MESD: variants seen among roughly 807,000 people sequenced by gnomAD.
MESD encodes mesoderm development LRP chaperone.
MESD carries 7 observed loss-of-function variants against 12.9 expected under a neutral mutation model. The observed-to-expected ratio is 0.54, with a 90% confidence interval of 0.31 to 1.02. The LOEUF is 1.02. Among genes scored for constraint, MESD ranks in the 50% least tolerant of loss-of-function variants. The pLI is 0.05. For missense variants in MESD, 342 were observed against 296.7 expected (o/e 1.15, Z -1.12); for synonymous variants, 126 against 115.6 (o/e 1.09, Z -0.58).
intron 3 of MESD, among the ~76,000 whole-genome samples, chr15:80,957,599 AACACAC>A (rs36008211): frequency 1.6e-4 from 24 of 148,796 alleles, no homozygotes; most frequent in African/African-American, 5.9e-4. Flanking sequence ...TCCACTGCAA[AACACAC>A]ACACACACAC....
intron 3 of MESD, among the ~76,000 whole-genome samples, chr15:80,952,483 A>G (rs1901865767): frequency 6.6e-6 from 1 of 152,184 alleles, no homozygotes; most frequent in African/African-American, 2.4e-5. Flanking sequence ...CTCAATGGCT[A>G]TGTGTGTCTA....
intron 2 of MESD, among the ~76,000 whole-genome samples, chr15:80,980,711 G>A (rs1902550947): frequency 6.6e-6 from 1 of 151,984 alleles, no homozygotes; most frequent in Non-Finnish European, 1.5e-5. Context: ...TGAGGTGCAA[G>A]GATCACTTGA....
At chr15:80,951,534 A>AGAG (rs1236533838) in intron 4 of MESD, 1 of 152,674 alleles carries the variant, frequency 6.5e-6, no homozygotes, top group Admixed American at 6.5e-5. Flanking sequence ...TTAGATGTAT[A>AGAG]GAGTGTTTGT....
chr15:80,982,281 G>A, intron 1 of MESD, 99 bp from the exon 2 acceptor site: 1 of 873,612 alleles, frequency 1.1e-6, no homozygotes, highest in South Asian at 1.6e-5. Context: ...GCATGTATAT[G>A]ACTTAAATTA....
chr15:80,968,523 G>A (rs1467890986), intron 3 of MESD, among the ~76,000 whole-genome samples: 1 of 152,182 alleles, frequency 6.6e-6, no homozygotes, highest in Non-Finnish European at 1.5e-5. Context: ...TGTACTGAAA[G>A]CTCTGTTGGC....
At chr15:80,963,133 A>T (rs1902116834) in intron 3 of MESD, among the ~76,000 whole-genome samples, 1 of 152,214 alleles carries the variant, frequency 6.6e-6, no homozygotes, top group African/African-American at 2.4e-5. Context: ...GTAATAAAAA[A>T]CGATAAAGTG....
chr15:80,979,087 T>C lies in MESD; in HGVS notation c.*132A>G. On this transcript the variant is annotated 3_prime_UTR_variant, in exon 3 of 3. Transcript: ENST00000261758. ...ATTCTTTGACCACAAACTGGTCATGTGGCAGACCCTTTCTAGAAGACACTA... is the reference window on the plus strand; with the variant it reads ...ATTCTTTGACCACAAACTGGTCATGCGGCAGACCCTTTCTAGAAGACACTA... 7.9e-7 allele frequency: 1 copy of C among 1,269,410 alleles called. No individual in the cohort carries two copies. The highest frequency in any genetic ancestry group is 1.5e-5 in the South Asian group (1 of 67,934). The allele number at this position is 1,269,410 out of a possible 1,614,324, so 78.6% of individuals were successfully genotyped here. A position where few individuals can be genotyped will look rare whatever the true frequency, so the allele number is the denominator to read the frequency against.
In MESD at chr15:80,978,348, C is replaced by CAGT. The variant is rs1271781066; in HGVS notation, c.*868_*870dup. ...CATGAACGGCAAAATCAGACATCAA[C>CAGT]AGTAGCACATCATGTTACTCTATAC... On this transcript the variant is annotated 3_prime_UTR_variant, in exon 3 of 3. Coordinates refer to ENST00000261758, the MANE Select transcript of MESD (RefSeq NM_015154.3). 1.3e-5 allele frequency: 2 copies of CAGT among 152,168 alleles called. No homozygotes were observed. The highest frequency in any genetic ancestry group is 4.8e-5 in the African/African-American group (2 of 41,436). 9.4% of individuals were successfully genotyped at this position (152,168 alleles called of 1,614,324 possible). A position where few individuals can be genotyped will look rare whatever the true frequency, so the allele number is the denominator to read the frequency against.
chr15:80,964,751 T>C (rs976089210), intron 3 of MESD, among the ~76,000 whole-genome samples: 25 of 152,170 alleles, frequency 1.6e-4, no homozygotes, highest in African/African-American at 5.3e-4. Context: ...TGGCTAGCCA[T>C]ATGTAGAAAG....
At chr15:80,984,715 C>T (rs1384342751) in intron 1 of MESD, among the ~76,000 whole-genome samples, 1 of 152,122 alleles carries the variant, frequency 6.6e-6, no homozygotes, top group Non-Finnish European at 1.5e-5. Context: ...CTAAAATGTA[C>T]ACTTTACATG....
intron 4 of MESD, chr15:80,949,007 C>T (rs1901696018): frequency 3.2e-6 from 5 of 1,578,348 alleles, no homozygotes; most frequent in Admixed American, 1.7e-5. Flanking sequence ...GGCTGGGTCC[C>T]CCAGCCCCTG....
At chr15:80,981,751 A>T (rs555183846) in intron 2 of MESD, among the ~76,000 whole-genome samples, 199 bp downstream of exon 2, 2 of 152,138 alleles carry the variant, frequency 1.3e-5, no homozygotes, top group Non-Finnish European at 2.9e-5. Context: ...GCTACTCGGG[A>T]GGCTGAGGCA....
exon 5 of MESD, chr15:80,948,750 G>A (rs775631643): frequency 1.2e-5 from 20 of 1,613,052 alleles, no homozygotes; most frequent in Admixed American, 3.3e-5. Context: ...TGGGGCAGCC[G>A]TCCTCTCATA....
chr15:80,981,810 A>T, intron 2 of MESD, 140 bp downstream of exon 2: 1 of 646,590 alleles, frequency 1.5e-6, no homozygotes, highest in Non-Finnish European at 2.6e-6. Flanking sequence ...AGCCGAGATC[A>T]CGCCGCTGCA....
At chr15:80,971,637 T>C (rs1902290353), downstream of MESD, among the ~76,000 whole-genome samples, 1 of 152,174 alleles carries the variant, frequency 6.6e-6, no homozygotes, top group African/African-American at 2.4e-5. Context: ...AAAACAATTT[T>C]TTTTTTCCAG....
chr15:80,978,725 T>C lies in MESD; in HGVS notation c.*494A>G, dbSNP rs1221000626. The C allele has an allele frequency of 6.5e-6, 1 of 153,252 alleles. No individual in the cohort carries two copies. Among genetic ancestry groups the C allele is most frequent in the Non-Finnish European group, 1.5e-5 (1 of 68,816 alleles). The allele number at this position is 153,252 out of a possible 1,614,324, so 9.5% of individuals were successfully genotyped here. On this transcript the variant is annotated 3_prime_UTR_variant, in exon 3 of 3. Coordinates refer to ENST00000261758, the MANE Select transcript of MESD (RefSeq NM_015154.3). ...AGATTTTGGATTTACACACCCTGGC[T>C]TCCTGGCTACAGACATCTGAGTTCA...
rs1014754629 is a variant in MESD at position 80,979,042 on chromosome 15, T to C, written c.*177A>G. The C allele has an allele frequency of 2.6e-6, 2 of 757,748 alleles. No individual in the cohort carries two copies. The highest frequency in any genetic ancestry group is 4.2e-6 in the Non-Finnish European group (2 of 474,182). The allele number at this position is 757,748 out of a possible 1,614,324, so 46.9% of individuals were successfully genotyped here. ...AATTAGAAAACATCTGTCTTCTTAC[T>C]TGAAGCCTATTAAGCAGTAATTCTT... On this transcript the variant is annotated 3_prime_UTR_variant, in exon 3 of 3. Coordinates refer to ENST00000261758, the MANE Select transcript of MESD (RefSeq NM_015154.3).
downstream of MESD, among the ~76,000 whole-genome samples, chr15:80,974,813 C>G (rs961141144): frequency 6.8e-6 from 1 of 148,102 alleles, no homozygotes; most frequent in Non-Finnish European, 1.5e-5. Context: ...GTATGAGTTG[C>G]ATAAGTAAAA....
chr15:80,957,726 G>T (rs1456950333), intron 3 of MESD, among the ~76,000 whole-genome samples: 1 of 152,208 alleles, frequency 6.6e-6, no homozygotes, highest in African/African-American at 2.4e-5. Context: ...CTGAAGACTG[G>T]CAGGCTCTGA....
Sources: gnomAD v4.1 joint callset for allele counts (sites outside exome capture counted in the v4.1 genomes callset) on GRCh38, gnomAD v4.1.1 for gene constraint, MANE v1.5 for transcripts, NCBI Gene and HGNC (gene_info 2026-07-23, HGNC 2026-07-21) for gene names.